Variants in MIR2052HG observed in about 807,000 individuals in gnomAD.
The protein encoded by MIR2052HG is MIR2052 host gene.
chr8:74,647,198 C>G (rs1268813232), intron 2 of MIR2052HG, among the ~76,000 whole-genome samples: 1 of 152,106 alleles, frequency 6.6e-6, no homozygotes, highest in Non-Finnish European at 1.5e-5. Flanking sequence ...TACATATACA[C>G]ACATGGTATT....
chr8:74,624,123 T>G (rs11987436), intron 2 of MIR2052HG, among the ~76,000 whole-genome samples: 19,962 of 152,218 alleles, frequency 0.13, 3,335 homozygotes, highest in African/African-American at 0.39. Flanking sequence ...TCAGCAAAGA[T>G]AGAAATCATG....
intron 4 of MIR2052HG, among the ~76,000 whole-genome samples, chr8:74,720,707 G>C (rs1330158634): frequency 6.6e-6 from 1 of 152,096 alleles, no homozygotes; most frequent in Non-Finnish European, 1.5e-5. Flanking sequence ...GCTATAAAGA[G>C]CTACCTGAGC....
At chr8:74,746,609 G>C (rs1283758348) in intron 4 of MIR2052HG, among the ~76,000 whole-genome samples, 1 of 73,812 alleles carries the variant, frequency 1.4e-5, no homozygotes, top group Non-Finnish European at 3.0e-5. Context: ...TCAAAGAGTC[G>C]AGGAGGGAGG....
intron 2 of MIR2052HG, among the ~76,000 whole-genome samples, chr8:74,699,181 G>C (rs184181722): frequency 6.6e-6 from 1 of 151,986 alleles, no homozygotes; most frequent in Admixed American, 6.6e-5. Context: ...TAGTATAGCC[G>C]CTATGGAAAA....
intron 4 of MIR2052HG, among the ~76,000 whole-genome samples, chr8:74,719,766 G>T (rs550659430): frequency 6.6e-6 from 1 of 151,186 alleles, no homozygotes; most frequent in East Asian, 1.9e-4. Context: ...AGCAGGAGGT[G>T]CTTGAGAAAA....
intron 4 of MIR2052HG, among the ~76,000 whole-genome samples, chr8:74,721,223 G>A (rs1209390108): frequency 1.3e-5 from 2 of 152,170 alleles, no homozygotes; most frequent in South Asian, 2.1e-4. Flanking sequence ...GGGAAAGGTA[G>A]CCCCAGAAGA....
chr8:74,600,902 A>G (rs535970523), intron 1 of MIR2052HG, among the ~76,000 whole-genome samples: 1 of 152,280 alleles, frequency 6.6e-6, no homozygotes, highest in East Asian at 1.9e-4. Context: ...GCTGTGACGT[A>G]TAGGTGTATG....
At chr8:74,684,004 C>T (rs1429661555) in intron 2 of MIR2052HG, among the ~76,000 whole-genome samples, 1 of 152,092 alleles carries the variant, frequency 6.6e-6, no homozygotes, top group African/African-American at 2.4e-5. Context: ...CTTGCTTTGT[C>T]TGGCACCAGA....
chr8:74,738,626 G>C (rs1202556138), intron 4 of MIR2052HG, among the ~76,000 whole-genome samples: 1 of 152,134 alleles, frequency 6.6e-6, no homozygotes, highest in Non-Finnish European at 1.5e-5. Flanking sequence ...AACAGAGTTG[G>C]TGCTCAATGG....
chr8:74,641,222 C>A (rs1808636281), intron 2 of MIR2052HG, among the ~76,000 whole-genome samples: 1 of 152,120 alleles, frequency 6.6e-6, no homozygotes, highest in African/African-American at 2.4e-5. Context: ...ATGCCAATTT[C>A]TTAGAGATTT....
In MIR2052HG at chr8:74,602,815, G is replaced by GCGTTTCTTTCTTTCTTTCTTTCTTTCTT. The variant is rs1554570004; in HGVS notation, n.128+2907_128+2908insCGTTTCTTTCTTTCTTTCTTTCTTTCTT. On this transcript the variant is annotated intron_variant and non_coding_transcript_variant, in intron 1 of 6. Transcript: ENST00000523442. Reference sequence around the variant, plus strand: ...TGGATGTGAGCTGCCATGCCCGGCCGTGTTTCTTTCTTTCTTTCTTTCTTT... The same window carrying GCGTTTCTTTCTTTCTTTCTTTCTTTCTT: ...TGGATGTGAGCTGCCATGCCCGGCCGCGTTTCTTTCTTTCTTTCTTTCTTTCTTTGTTTCTTTCTTTCTTTCTTTCTTT... 6.8e-3 allele frequency among the ~76,000 whole-genome samples: 154 copies of GCGTTTCTTTCTTTCTTTCTTTCTTTCTT among 22,506 alleles called. 1 individual carries two copies. Among genetic ancestry groups the GCGTTTCTTTCTTTCTTTCTTTCTTTCTT allele is most frequent in the African/African-American group, 0.029 (143 of 4,918 alleles). The allele number at this position is 22,506 out of a possible 152,430, so 14.8% of individuals were successfully genotyped here.
At chr8:74,723,122 T>G (rs556468685) in intron 4 of MIR2052HG, among the ~76,000 whole-genome samples, 99 of 152,346 alleles carry the variant, frequency 6.5e-4, no homozygotes, top group Non-Finnish European at 1.3e-3. Flanking sequence ...GAAGAAAATG[T>G]CTTGCCTGTG....
chr8:74,647,448 C>T (rs757380159), intron 2 of MIR2052HG, among the ~76,000 whole-genome samples: 38 of 152,262 alleles, frequency 2.5e-4, no homozygotes, highest in Admixed American at 1.6e-3. Context: ...GCAATTAGCT[C>T]CTTCTTGGCA....
chr8:74,704,506 T>C (rs1809389138), intron 4 of MIR2052HG, among the ~76,000 whole-genome samples: 1 of 152,054 alleles, frequency 6.6e-6, no homozygotes, highest in Admixed American at 6.6e-5. Context: ...CATATAGACT[T>C]CCATTCCTCC....
chr8:74,681,789 C>T (rs1809127857), intron 2 of MIR2052HG, among the ~76,000 whole-genome samples: 1 of 152,136 alleles, frequency 6.6e-6, no homozygotes, highest in East Asian at 1.9e-4. Context: ...AAATAAACTT[C>T]TGTTCTATTT....
chr8:74,630,310 C>T (rs1319029033), intron 2 of MIR2052HG, among the ~76,000 whole-genome samples: 1 of 151,944 alleles, frequency 6.6e-6, no homozygotes, highest in African/African-American at 2.4e-5. Flanking sequence ...TCTTCTCTCC[C>T]AGGCAGTGGG....
chr8:74,694,336 A>T (rs949745277), intron 2 of MIR2052HG, among the ~76,000 whole-genome samples: 2 of 152,328 alleles, frequency 1.3e-5, no homozygotes, highest in South Asian at 2.1e-4. Flanking sequence ...GGAGCAACCC[A>T]TGGAACAAAA....
chr8:74,743,116 A>C (rs926146024), intron 4 of MIR2052HG, among the ~76,000 whole-genome samples: 1 of 152,152 alleles, frequency 6.6e-6, no homozygotes, highest in Non-Finnish European at 1.5e-5. Context: ...AAAAACAAAA[A>C]AACAGCAAGG....
intron 2 of MIR2052HG, among the ~76,000 whole-genome samples, chr8:74,690,525 G>C (rs555031620): frequency 1.2e-3 from 189 of 152,146 alleles, no homozygotes; most frequent in African/African-American, 4.4e-3. Flanking sequence ...GCGGGCGCCT[G>C]TAGTCCCAGC....
Sources: gnomAD v4.1 joint callset for allele counts (sites outside exome capture counted in the v4.1 genomes callset) on GRCh38, gnomAD v4.1.1 for gene constraint, MANE v1.5 for transcripts, NCBI Gene and HGNC (gene_info 2026-07-23, HGNC 2026-07-21) for gene names.